Variants in BTN3A2 observed in about 807,000 individuals in gnomAD.
BTN3A2 encodes the protein butyrophilin protein.
A neutral mutation model predicts 37.6 loss-of-function variants in BTN3A2; 25 were observed. That is an observed-to-expected ratio of 0.66 (90% CI 0.48 to 0.93). The LOEUF is 0.93. Ranked by LOEUF, BTN3A2 falls within the 40% of genes least tolerant of loss-of-function variation. The probability of loss-of-function intolerance (pLI) is 0.00; values close to 1 mark genes in which losing one functional copy is unlikely to be tolerated. For synonymous variants in BTN3A2, 122 were observed against 159.4 expected, an observed-to-expected ratio of 0.77 and a Z score of 1.77; for missense variants, 266 against 410.9, an observed-to-expected ratio of 0.65 and a Z score of 3.05.
At chr6:26,370,740 T>C (rs1760030129) in intron 5 of BTN3A2, 137 bp downstream of exon 5, 2 of 1,426,488 alleles carry the variant, frequency 1.4e-6, no homozygotes, top group East Asian at 4.8e-5. Flanking sequence ...AGGCTCCTCT[T>C]TGTGCCAGGG....
At chr6:26,372,059 T>C (rs1330903691) in intron 5 of BTN3A2, among the ~76,000 whole-genome samples, 1 of 152,160 alleles carries the variant, frequency 6.6e-6, no homozygotes, top group Non-Finnish European at 1.5e-5. Context: ...GGAACTTCCA[T>C]ACAAGGGAAT....
rs780914370 is a variant in BTN3A2, at chr6:26,374,363, C to T, written c.1001C>T (p.Ala334Val). Residue 334 changes from alanine to valine, a missense_variant, in exon 9 of 11, where the codon GCC becomes GTC. Physicochemically the swap from Ala to Val is moderately conservative, Grantham distance 64. Transcript: ENST00000377708. ...EESSSDTNKS[A>V] The stretch of plus-strand genomic sequence containing the variant: ...TCTTCGTCCGATACCAATAAGTCAG[C>T]CTGATGCTCTGTAAGTTTGCTGGGT... The T allele has an allele frequency of 6.2e-7, 1 of 1,613,808 alleles. No individual in the cohort carries two copies. The highest frequency in any genetic ancestry group is 8.5e-7 in the Non-Finnish European group (1 of 1,179,810).
At chr6:26,375,578 T>C (rs1760639650) in intron 10 of BTN3A2, 2 of 1,459,342 alleles carry the variant, frequency 1.4e-6, no homozygotes, top group African/African-American at 1.4e-5. Flanking sequence ...GCACTGTCCA[T>C]AGAGGACAGA....
Position 26,370,370 on chromosome 6 carries a change from G to A in BTN3A2, c.482G>A (p.Gly161Glu), listed in dbSNP as rs186780460. The A allele has an allele frequency of 1.2e-6, 2 of 1,614,148 alleles. No individual in the cohort carries two copies. The highest frequency in any genetic ancestry group is 2.2e-5 in the East Asian group (1 of 44,886). The change falls in exon 5 of 11, where the codon GGG becomes GAG. Residue 161 changes from glycine to glutamate, a missense_variant. Physicochemically the swap from Gly to Glu is moderately conservative, Grantham distance 98 (BLOSUM62 -2). Around this residue, in one of 3 missense-constraint regions of BTN3A2, gnomAD observed 204 missense variants for 232.6 expected, o/e 0.88. Transcript: ENST00000377708. The stretch of plus-strand genomic sequence containing the variant: ...GAAGTGAAGGGTTATGAGGATGGAG[G>A]GATCCATCTGGAGTGCAGGTCCACC... ...HVEVKGYEDG[G>E]IHLECRSTGW...
intron 9 of BTN3A2, 111 bp from the exon 10 acceptor site, chr6:26,374,660 C>T (rs377396690): frequency 1.4e-5 from 17 of 1,248,092 alleles, no homozygotes; most frequent in East Asian, 1.2e-4. Flanking sequence ...GAAGCTGGAC[C>T]CTGGAAGAGA....
At chr6:26,372,759 A>G (rs1760239764) in intron 5 of BTN3A2, 138 bp from the exon 6 acceptor site, 2 of 996,756 alleles carry the variant, frequency 2.0e-6, no homozygotes, top group Non-Finnish European at 2.9e-6. Flanking sequence ...CTGAGACTTT[A>G]GGGAGAGAAT....
chr6:26,370,165 A>C (rs1301275741), intron 4 of BTN3A2, among the ~76,000 whole-genome samples, 157 bp from the exon 5 acceptor site: 3 of 152,154 alleles, frequency 2.0e-5, no homozygotes, highest in African/African-American at 7.2e-5. Flanking sequence ...CTGCACTAGC[A>C]AATTTAGTTT....
At chr6:26,373,996 T>C (rs1276810439) in intron 8 of BTN3A2, 1 of 250,386 alleles carries the variant, frequency 4.0e-6, no homozygotes, top group Non-Finnish European at 7.5e-6. Context: ...ATGAATCTTG[T>C]ACTCCTAGGC....
At chr6:26,366,795 C>T (rs1044450939) in intron 1 of BTN3A2, among the ~76,000 whole-genome samples, 1 of 152,214 alleles carries the variant, frequency 6.6e-6, no homozygotes, top group African/African-American at 2.4e-5. Context: ...AGACCCACAG[C>T]AGCTGGTATG....
In BTN3A2 at chr6:26,370,304, C is replaced by G. The variant is rs757142794; in HGVS notation, c.434-18C>G. On this transcript the variant is annotated intron_variant, in intron 4 of 10. Transcript: ENST00000377708. ...TACAGGAGCTATCCAGAATTTAGGC[C>G]AAATTATCCTTCCACAGCACTGGGT... 5.0e-6 allele frequency: 8 copies of G among 1,612,056 alleles called. 1 individual carries two copies. In the South Asian group the frequency reaches 8.8e-5, roughly 18 times the overall value.
In BTN3A2 at chr6:26,376,415, T is replaced by C. The variant is rs567744466; in HGVS notation, c.*653T>C. ...CTCTGGTCACTAGACCCCTGGGGCT[T>C]TCACCAATGACATTGATGAGAGAAT... On this transcript the variant is annotated 3_prime_UTR_variant, in exon 11 of 11. Coordinates refer to ENST00000377708, the MANE Select transcript of BTN3A2 (RefSeq NM_007047.5). The C allele has an allele frequency of 1.1e-5, 6 of 559,028 alleles. No homozygotes were observed. The East Asian group carries it at 1.7e-4, about 16-fold the overall frequency. The allele number at this position is 559,028 out of a possible 1,614,324, so 34.6% of individuals were successfully genotyped here. A position where few individuals can be genotyped will look rare whatever the true frequency, so the allele number is the denominator to read the frequency against.
At chr6:26,374,574 C>T (rs1255889695) in intron 9 of BTN3A2, 197 bp from the exon 10 acceptor site, 6 of 829,036 alleles carry the variant, frequency 7.2e-6, no homozygotes, top group Non-Finnish European at 1.1e-5. Context: ...CATCCTGCAC[C>T]CCCCATGACA....
In BTN3A2 at chr6:26,376,606, C is replaced by G; in HGVS notation, c.*844C>G. ...ATTCTGTATCCAGACATGGCAAATG[C>G]CATCCTCCTTGTTTCTGAGGACCAG... On this transcript the variant is annotated 3_prime_UTR_variant, in exon 11 of 11. Transcript: ENST00000377708. 6.9e-7 allele frequency: 1 copy of G among 1,446,016 alleles called. No individual in the cohort carries two copies. Among genetic ancestry groups the G allele is most frequent in the East Asian group, 2.3e-5 (1 of 43,626 alleles). The allele number at this position is 1,446,016 out of a possible 1,614,324, so 89.6% of individuals were successfully genotyped here. A position where few individuals can be genotyped will look rare whatever the true frequency, so the allele number is the denominator to read the frequency against.
Position 26,372,960 on chromosome 6 carries a change from T to C in BTN3A2, c.779T>C (p.Leu260Pro), listed in dbSNP as rs959875487. Residue 260 changes from leucine to proline, a missense_variant, in exon 6 of 11, where the codon CTG becomes CCG. Around this residue, in one of 3 missense-constraint regions of BTN3A2, gnomAD observed 204 missense variants for 232.6 expected, o/e 0.88. Coordinates refer to ENST00000377708, the MANE Select transcript of BTN3A2 (RefSeq NM_007047.5). ...AALAGTLPIL[L>P]LLLAGASYFL... is the part of the protein sequence containing the mutation. ...CTGGCAGGGACCCTGCCTATCTTGC[T>C]GCTGCTTCTCGCCGGAGCCAGTTAC... is the stretch of plus-strand genomic sequence containing the variant. The C allele has an allele frequency of 3.1e-6, 5 of 1,614,142 alleles. No individual in the cohort carries two copies. The African/African-American group carries it at 6.7e-5, about 22-fold the overall frequency.
At chr6:26,369,250 G>C (rs138780715) in intron 4 of BTN3A2, among the ~76,000 whole-genome samples, 3 of 152,346 alleles carry the variant, frequency 2.0e-5, no homozygotes, top group African/African-American at 4.8e-5. Context: ...GATGGCTTCT[G>C]TTGTGTCTCC....
chr6:26,366,042 C>T (rs936754882), intron 1 of BTN3A2, among the ~76,000 whole-genome samples: 7 of 152,028 alleles, frequency 4.6e-5, no homozygotes, highest in African/African-American at 1.7e-4. Flanking sequence ...GTTTTCTTTC[C>T]ATTCATCATT....
intron 10 of BTN3A2, chr6:26,375,524 T>C (rs1328606440): frequency 4.9e-6 from 5 of 1,010,862 alleles, no homozygotes; most frequent in African/African-American, 3.3e-5. Context: ...GGGCCTCCCA[T>C]TGGCCAAACA....
intron 1 of BTN3A2, among the ~76,000 whole-genome samples, chr6:26,366,312 T>A (rs1310014717): frequency 6.6e-6 from 1 of 152,206 alleles, no homozygotes; most frequent in Non-Finnish European, 1.5e-5. Flanking sequence ...ATCTCTAAAT[T>A]TTTTTCTTCA....
intron 1 of BTN3A2, among the ~76,000 whole-genome samples, 171 bp downstream of exon 1, chr6:26,365,523 T>C (rs2113665422): frequency 6.7e-6 from 1 of 149,796 alleles, no homozygotes; most frequent in South Asian, 2.1e-4. Flanking sequence ...TGTGTACATG[T>C]GTACATGTGC....
Sources: gnomAD v4.1 joint callset for allele counts (sites outside exome capture counted in the v4.1 genomes callset) on GRCh38, gnomAD v4.1.1 for gene constraint, gnomAD v4.1.1 regional missense constraint, MANE v1.5 for transcripts, NCBI Gene and HGNC (gene_info 2026-07-23, HGNC 2026-07-21) for gene names.